C4orf50: variants seen among roughly 807,000 people sequenced by gnomAD.
C4orf50 encodes the protein chromosome 4 open reading frame 50, also known as uncharacterized protein C4orf50.
Under a neutral mutation model 77.2 loss-of-function variants are expected in C4orf50, and 80 were observed. That is an observed-to-expected ratio of 1.04 (90% CI 0.87 to 1.25). The LOEUF (loss-of-function observed/expected upper bound fraction) is 1.25. C4orf50 is among the 50% of genes most tolerant of loss of function. C4orf50 has a pLI of 0.00. For missense variants in C4orf50, 1,257 were observed against 1,152.9 expected, an observed-to-expected ratio of 1.09 and a Z score of -1.31; for synonymous variants, 532 against 465.3, an observed-to-expected ratio of 1.14 and a Z score of -1.84.
intron 25 of C4orf50, among the ~76,000 whole-genome samples, chr4:6,005,631 T>C (rs1483087300): frequency 1.3e-5 from 2 of 152,186 alleles, no homozygotes; most frequent in African/African-American, 4.8e-5. Flanking sequence ...TTAAACTCCC[T>C]GGGTCTCAGC....
intron 7 of C4orf50, among the ~76,000 whole-genome samples, chr4:5,926,429 C>T (rs554131727): frequency 6.6e-6 from 1 of 152,294 alleles, no homozygotes; most frequent in Non-Finnish European, 1.5e-5. Context: ...TGTCAGTTAC[C>T]CCAGAGCGTG....
chr4:5,928,203 C>T (rs966887578), intron 7 of C4orf50, among the ~76,000 whole-genome samples: 1 of 152,144 alleles, frequency 6.6e-6, no homozygotes, highest in African/African-American at 2.4e-5. Context: ...CAAAATTACT[C>T]GGAAACAGTA....
intron 25 of C4orf50, among the ~76,000 whole-genome samples, chr4:6,004,677 G>A (rs535097828): frequency 1.5e-5 from 2 of 133,932 alleles, no homozygotes; most frequent in South Asian, 5.0e-4. Flanking sequence ...TGGTGATGTT[G>A]ATGGTGGTGG....
exon 30 of C4orf50, chr4:5,975,901 T>G (rs1382769766): frequency 1.2e-6 from 2 of 1,608,882 alleles, no homozygotes; most frequent in Non-Finnish European, 1.7e-6. Flanking sequence ...CATATTACCT[T>G]CAGGGGAGTC....
At chr4:5,953,130 T>G (rs1718801520), downstream of C4orf50, among the ~76,000 whole-genome samples, 1 of 152,182 alleles carries the variant, frequency 6.6e-6, no homozygotes, top group Non-Finnish European at 1.5e-5. Context: ...CAGAGGAGTG[T>G]GAGTCCCCGC....
At chr4:5,956,379 C>T (rs1228506323), downstream of C4orf50, among the ~76,000 whole-genome samples, 2 of 152,234 alleles carry the variant, frequency 1.3e-5, no homozygotes, top group African/African-American at 2.4e-5. Context: ...GCCCACTCCA[C>T]GGCCCCTGGG....
chr4:5,959,682 C>T lies in C4orf50; in HGVS notation c.4276-56G>A, dbSNP rs185243273. The T allele has an allele frequency of 5.0e-4, 777 of 1,553,464 alleles. 2 individuals are homozygous for T. In the African/African-American group the frequency reaches 9.4e-3, roughly 19 times the overall value. On this transcript the variant is annotated intron_variant, in intron 33 of 33. Coordinates refer to ENST00000531445, the Ensembl canonical transcript of C4orf50. ...TGCGTCCACATGTTTGTAAAAGCCC[C>T]TCCATTCACACATTTAATCAAAGGA...
downstream of C4orf50, among the ~76,000 whole-genome samples, chr4:5,956,205 G>T (rs1432659512): frequency 1.3e-5 from 2 of 152,152 alleles, no homozygotes; most frequent in Non-Finnish European, 2.9e-5. Context: ...AGAAAGCCAG[G>T]TATCTCTACC....
At chr4:5,926,437 G>A (rs376508505) in intron 7 of C4orf50, among the ~76,000 whole-genome samples, 8 of 152,202 alleles carry the variant, frequency 5.3e-5, no homozygotes, top group East Asian at 3.9e-4. Context: ...ACCCCAGAGC[G>A]TGGAGGGAAC....
chr4:5,947,973 G>T (rs1718552670), intron 7 of C4orf50, among the ~76,000 whole-genome samples: 1 of 152,318 alleles, frequency 6.6e-6, no homozygotes, highest in African/African-American at 2.4e-5. Flanking sequence ...ACTTCCAGGA[G>T]GGTCTGTCCC....
At chr4:5,897,670 A>G (rs1716178034) in exon 8 of C4orf50, 1 of 152,240 alleles carries the variant, frequency 6.6e-6, no homozygotes, top group South Asian at 2.1e-4. Context: ...TTTAACTCAC[A>G]TAGAAAAATA....
intron 7 of C4orf50, among the ~76,000 whole-genome samples, chr4:5,926,670 C>CG (rs1423954127): frequency 2.6e-5 from 4 of 151,906 alleles, no homozygotes; most frequent in African/African-American, 9.7e-5. Context: ...CCTGTGTCCC[C>CG]GGGCCCACAG....
exon 28 of C4orf50, chr4:5,989,169 G>C: frequency 6.5e-7 from 1 of 1,535,680 alleles, no homozygotes; most frequent in South Asian, 1.2e-5. Flanking sequence ...TTTCAAGGGC[G>C]CACACTCTTT....
At chr4:5,936,982 T>C (rs1397632271) in intron 7 of C4orf50, among the ~76,000 whole-genome samples, 1 of 150,152 alleles carries the variant, frequency 6.7e-6, no homozygotes, top group Admixed American at 6.6e-5. Context: ...GAAGAAATAA[T>C]AGAGAATCTA....
In C4orf50 at chr4:6,009,403, A is replaced by T; in HGVS notation, c.427-871T>A. Among the ~76,000 whole-genome samples, 2 of 152,198 alleles carry T rather than the reference A, an allele frequency of 1.3e-5. No individual in the cohort carries two copies. Among genetic ancestry groups the T allele is most frequent in the East Asian group, 3.8e-4 (2 of 5,196 alleles). Reference sequence around the variant, plus strand: ...GCTTCCGGAAAACAAAAACAAACAAACTAAGAGCAAACGTGAAAGAGGAAA... The same window carrying T: ...GCTTCCGGAAAACAAAAACAAACAATCTAAGAGCAAACGTGAAAGAGGAAA... On this transcript the variant is annotated intron_variant, in intron 24 of 33. Transcript: ENST00000531445. The surrounding 1 kb of genome is among the most constrained non-coding windows in gnomAD (Gnocchi z 5.6).
chr4:5,978,350 C>G (rs1266428762), intron 29 of C4orf50, among the ~76,000 whole-genome samples: 1 of 152,094 alleles, frequency 6.6e-6, no homozygotes, highest in Non-Finnish European at 1.5e-5. Context: ...GGAAATTCTC[C>G]ACCTGCAAAA....
intron 30 of C4orf50, 95 bp downstream of exon 8, chr4:5,975,804 T>C: frequency 9.9e-7 from 1 of 1,010,152 alleles, no homozygotes; most frequent in Non-Finnish European, 1.6e-6. Context: ...CAGACTTTTA[T>C]ACAATAGAGG....
At chr4:5,964,424 C>A (rs1047092987) in intron 33 of C4orf50, among the ~76,000 whole-genome samples, 1 of 133,206 alleles carries the variant, frequency 7.5e-6, no homozygotes, top group Non-Finnish European at 1.7e-5. Context: ...TACTGTCAGG[C>A]CTCAAATTGT....
chr4:5,955,927 G>A (rs1394384717), downstream of C4orf50, among the ~76,000 whole-genome samples: 1 of 152,192 alleles, frequency 6.6e-6, no homozygotes, highest in Non-Finnish European at 1.5e-5. The surrounding 1 kb of genome is among the most constrained non-coding windows in gnomAD (Gnocchi z 5.1). Context: ...TCTGCAAGTA[G>A]ATTCAAAAAC....
Sources: allele counts gnomAD v4.1 joint callset (sites outside exome capture counted in the v4.1 genomes callset), GRCh38; gene constraint gnomAD v4.1.1; non-coding constraint Gnocchi (gnomAD v3.1); transcripts MANE v1.5; gene names NCBI Gene and HGNC (gene_info 2026-07-23, HGNC 2026-07-21).